The following BMP7 variants were observed in gnomAD, a reference collection of about 807,000 sequenced individuals.
BMP7 encodes osteogenic protein 1.
Under a neutral mutation model 41.2 loss-of-function variants are expected in BMP7, and 12 were observed. That is an observed-to-expected ratio of 0.29 (90% CI 0.19 to 0.47). BMP7 has a LOEUF of 0.47. Ranked by LOEUF, BMP7 falls within the 20% of genes least tolerant of loss-of-function variation. BMP7 has a pLI of 0.99. For missense variants in BMP7, 467 were observed against 606.0 expected, an observed-to-expected ratio of 0.77 and a Z score of 2.41; for synonymous variants, 248 against 250.0, an observed-to-expected ratio of 0.99 and a Z score of 0.07.
intron 2 of BMP7, among the ~76,000 whole-genome samples, chr20:57,203,811 A>G (rs1984675099): frequency 6.6e-6 from 1 of 152,216 alleles, no homozygotes; most frequent in Admixed American, 6.5e-5. Flanking sequence ...AACAGTCTCT[A>G]TCATACCTGG....
intron 4 of BMP7, among the ~76,000 whole-genome samples, chr20:57,182,243 G>C (rs1984101017): frequency 6.6e-6 from 1 of 152,184 alleles, no homozygotes; most frequent in African/African-American, 2.4e-5. Context: ...CCAGGCAAGG[G>C]GTGTGGGAGG....
chr20:57,231,803 C>T (rs529284688), intron 1 of BMP7, among the ~76,000 whole-genome samples: 1 of 152,364 alleles, frequency 6.6e-6, no homozygotes, highest in African/African-American at 2.4e-5. Flanking sequence ...AACCCAGCTT[C>T]AGAGCAGCCC....
At chr20:57,241,359 A>G (rs2066068807) in intron 1 of BMP7, among the ~76,000 whole-genome samples, 1 of 152,140 alleles carries the variant, frequency 6.6e-6, no homozygotes. Context: ...AGACTTGTAA[A>G]TTTTGCTCCT....
Position 57,170,979 on chromosome 20 carries a change from G to A in BMP7, c.1276C>T (p.Arg426Trp), listed in dbSNP as rs1252706270. The A allele has an allele frequency of 3.7e-6, 6 of 1,613,568 alleles. No individual in the cohort carries two copies. The highest frequency in any genetic ancestry group is 1.6e-4 in the Middle Eastern group (1 of 6,082). Reference sequence around the variant, plus strand: ...AGGAGCTAGTGGCAGCCACAGGCCCGGACCACCATGTTTCTGTATTTCTTC... The same window carrying A: ...AGGAGCTAGTGGCAGCCACAGGCCCAGACCACCATGTTTCTGTATTTCTTC... ...ILKKYRNMVV[R>W]ACGCH The change falls in exon 7 of 7, where the codon CGG becomes TGG. Residue 426 changes from arginine (R) to tryptophan (W), a missense_variant. By Grantham distance (101) the Arg-to-Trp change is moderately radical. Coordinates refer to ENST00000395863, the MANE Select transcript of BMP7 (RefSeq NM_001719.3).
chr20:57,174,846 A>T lies in BMP7; in HGVS notation c.1035+85T>A. The stretch of plus-strand genomic sequence containing the variant: ...TGGAGTCTTAACTGGCAGAGATGAG[A>T]AACAAGACTGAGCACAGACCCGCTG... On this transcript the variant is annotated intron_variant, in intron 5 of 6. Coordinates refer to ENST00000395863, the MANE Select transcript of BMP7 (RefSeq NM_001719.3). This position sits in a 1 kb window ranked among gnomAD's most constrained non-coding sequence, Gnocchi z 4.3. 3 of 1,437,498 alleles carry T rather than the reference A, an allele frequency of 2.1e-6. No homozygotes were observed. The highest frequency in any genetic ancestry group is 9.5e-7 in the Non-Finnish European group (1 of 1,050,794). 89.0% of individuals were successfully genotyped at this position (1,437,498 alleles called of 1,614,324 possible).
chr20:57,209,046 C>T (rs371296297), intron 2 of BMP7, among the ~76,000 whole-genome samples: 5 of 151,240 alleles, frequency 3.3e-5, no homozygotes, highest in Non-Finnish European at 5.9e-5. Flanking sequence ...TGGCCAGGCA[C>T]GGTGGCTCAC....
At chr20:57,262,903 T>A (rs1482802821) in intron 1 of BMP7, among the ~76,000 whole-genome samples, 1 of 152,152 alleles carries the variant, frequency 6.6e-6, no homozygotes, top group Non-Finnish European at 1.5e-5. Context: ...CTCAGCAAAC[T>A]CAGTGGCCAG....
chr20:57,191,582 T>C (rs1984358608), intron 3 of BMP7, among the ~76,000 whole-genome samples: 1 of 151,420 alleles, frequency 6.6e-6, no homozygotes, highest in Non-Finnish European at 1.5e-5. Context: ...CAAAGAAAAT[T>C]AGCTGGACGT....
chr20:57,239,362 A>G (rs1375036661), intron 1 of BMP7, among the ~76,000 whole-genome samples: 2 of 152,230 alleles, frequency 1.3e-5, no homozygotes, highest in Non-Finnish European at 2.9e-5. Context: ...GGCCACACTG[A>G]TGCAAGAGGT....
chr20:57,181,230 G>T (rs1181737480), intron 4 of BMP7, among the ~76,000 whole-genome samples: 1 of 152,164 alleles, frequency 6.6e-6, no homozygotes, highest in Non-Finnish European at 1.5e-5. Context: ...GGAGGCTGGG[G>T]GCAGTAGCTC....
At chr20:57,220,037 G>T (rs1985152580) in intron 2 of BMP7, among the ~76,000 whole-genome samples, 1 of 152,184 alleles carries the variant, frequency 6.6e-6, no homozygotes, top group South Asian at 2.1e-4. Context: ...TGCCTGCCTT[G>T]GTCCCAGGAG....
At chr20:57,217,037 C>G (rs1476921468) in intron 2 of BMP7, among the ~76,000 whole-genome samples, 1 of 152,148 alleles carries the variant, frequency 6.6e-6, no homozygotes, top group Non-Finnish European at 1.5e-5. Context: ...CGTGAGCCCC[C>G]GCATGTGGAA....
intron 2 of BMP7, among the ~76,000 whole-genome samples, chr20:57,223,422 T>G (rs1985237714): frequency 6.6e-6 from 1 of 152,168 alleles, no homozygotes; most frequent in Non-Finnish European, 1.5e-5. Flanking sequence ...GTGATTCTAT[T>G]GCACAGCCAA....
chr20:57,194,446 C>T (rs575640542), intron 3 of BMP7, among the ~76,000 whole-genome samples: 29 of 152,274 alleles, frequency 1.9e-4, no homozygotes, highest in Non-Finnish European at 2.9e-4. Flanking sequence ...GAACGCCTGA[C>T]GCTCAAAGCC....
chr20:57,230,088 G>C lies in BMP7; in HGVS notation c.419-1667C>G, dbSNP rs1182968709. On this transcript the variant is annotated intron_variant, in intron 1 of 6. Transcript: ENST00000395863. The stretch of plus-strand genomic sequence containing the variant: ...GATGACCTTTGAACCACAGCTGCTA[G>C]AATCCTGGGCCATATATGGAGAGCT... Among the ~76,000 whole-genome samples the C allele has an allele frequency of 6.6e-5, 10 of 152,174 alleles. 1 individual carries two copies. Among genetic ancestry groups the C allele is most frequent in the African/African-American group, 2.4e-4 (10 of 41,438 alleles).
In BMP7 at chr20:57,266,142, A is replaced by T; in HGVS notation, c.-20T>A. 6.6e-7 allele frequency: 1 copy of T among 1,514,260 alleles called. No homozygotes were observed. Among genetic ancestry groups the T allele is most frequent in the Non-Finnish European group, 8.8e-7 (1 of 1,136,382 alleles). 93.8% of individuals were successfully genotyped at this position (1,514,260 alleles called of 1,614,324 possible). ...GTGCATCGCGCCGGCTCTACGCGCT[A>T]CCCGGGCTCCGGGCTCCGGGCCCGC... is the stretch of plus-strand genomic sequence containing the variant. On this transcript the variant is annotated 5_prime_UTR_variant, in exon 1 of 7. Coordinates refer to ENST00000395863, the MANE Select transcript of BMP7 (RefSeq NM_001719.3).
chr20:57,249,478 C>T (rs2066103814), intron 1 of BMP7, among the ~76,000 whole-genome samples: 1 of 152,112 alleles, frequency 6.6e-6, no homozygotes, highest in Admixed American at 6.5e-5. Context: ...TCCCACTCTA[C>T]CCAATGTCTG....
At chr20:57,206,963 A>G (rs1401237120) in intron 2 of BMP7, among the ~76,000 whole-genome samples, 1 of 152,228 alleles carries the variant, frequency 6.6e-6, no homozygotes. Flanking sequence ...AAAGTGTCCT[A>G]TGTTCACAGT....
chr20:57,204,981 A>T (rs1466089321), intron 2 of BMP7, among the ~76,000 whole-genome samples: 1 of 152,140 alleles, frequency 6.6e-6, no homozygotes, highest in African/African-American at 2.4e-5. Flanking sequence ...TGAGGGAGAA[A>T]GTCTGGACCC....
Sources: gnomAD v4.1 joint callset for allele counts (sites outside exome capture counted in the v4.1 genomes callset) on GRCh38, gnomAD v4.1.1 for gene constraint, Gnocchi (gnomAD v3.1) non-coding constraint, MANE v1.5 for transcripts, NCBI Gene and HGNC (gene_info 2026-07-23, HGNC 2026-07-21) for gene names.